GALNT13: variants seen among roughly 807,000 people sequenced by gnomAD.
GALNT13 encodes the protein polypeptide N-acetylgalactosaminyltransferase 13, also known as UDP-GalNAc:polypeptide N-acetylgalactosaminyltransferase 13.
A neutral mutation model predicts 64.2 loss-of-function variants in GALNT13; 28 were observed. That is an observed-to-expected ratio of 0.44 (90% CI 0.32 to 0.60). The LOEUF (loss-of-function observed/expected upper bound fraction) is 0.60, where lower values mean the gene tolerates loss of function less well. GALNT13 is among the 20% of genes least tolerant of loss of function. GALNT13 has a pLI of 0.05. For synonymous variants in GALNT13, 214 were observed against 224.6 expected (o/e 0.95, Z 0.42); for missense variants, 577 against 669.8 (o/e 0.86, Z 1.53).
At chr2:153,491,581 C>T in the GALNT13 span, among the ~76,000 whole-genome samples, 1 of 149,238 alleles carries the variant, frequency 6.7e-6, no homozygotes, top group Admixed American at 6.7e-5. Flanking sequence ...CAGAAACACA[C>T]CTAAACCATA....
chr2:153,462,372 A>C, the GALNT13 span, among the ~76,000 whole-genome samples: 368 of 152,248 alleles, frequency 2.4e-3, no homozygotes, highest in Admixed American at 4.4e-3. Flanking sequence ...TTTTTTAAAT[A>C]AAAAGAATAT....
At chr2:154,165,558 A>G (rs982076400) in intron 4 of GALNT13, among the ~76,000 whole-genome samples, 3 of 152,166 alleles carry the variant, frequency 2.0e-5, no homozygotes, top group Non-Finnish European at 4.4e-5. Flanking sequence ...GTTTATTAAC[A>G]TTTTATTATT....
At chr2:153,522,423 G>A in the GALNT13 span, among the ~76,000 whole-genome samples, 1 of 152,182 alleles carries the variant, frequency 6.6e-6, no homozygotes, top group South Asian at 2.1e-4. Context: ...CATATGCTAA[G>A]AGTAAGTTTA....
the GALNT13 span, among the ~76,000 whole-genome samples, chr2:153,769,605 T>C: frequency 6.6e-6 from 1 of 152,220 alleles, no homozygotes; most frequent in African/African-American, 2.4e-5. Context: ...CTGAGCTTCT[T>C]GTATCTGAAT....
At chr2:154,057,539 C>T (rs935640264) in intron 3 of GALNT13, among the ~76,000 whole-genome samples, 5 of 152,012 alleles carry the variant, frequency 3.3e-5, no homozygotes, top group Non-Finnish European at 7.4e-5. Flanking sequence ...ATTTCATAAT[C>T]GATTGTGGAA....
chr2:153,612,505 T>C, the GALNT13 span, among the ~76,000 whole-genome samples: 1 of 151,996 alleles, frequency 6.6e-6, no homozygotes, highest in Non-Finnish European at 1.5e-5. Flanking sequence ...GTCCTTTCAA[T>C]GTGAAAAAAA....
intron 9 of GALNT13, among the ~76,000 whole-genome samples, chr2:154,381,953 C>T (rs894904033): frequency 6.6e-6 from 1 of 152,052 alleles, no homozygotes; most frequent in Non-Finnish European, 1.5e-5. Flanking sequence ...AAGCTTAAAT[C>T]AACATTTGTA....
the GALNT13 span, among the ~76,000 whole-genome samples, chr2:153,796,744 G>T: frequency 1.3e-5 from 2 of 152,094 alleles, no homozygotes; most frequent in Non-Finnish European, 1.5e-5. Flanking sequence ...AGCATCTCAG[G>T]AAGGCAAAAG....
chr2:153,591,625 G>T, the GALNT13 span, among the ~76,000 whole-genome samples: 1,892 of 151,828 alleles, frequency 0.012, 36 homozygotes, highest in African/African-American at 0.043. Flanking sequence ...AAAATAAATT[G>T]TCATGGGGGA....
At chr2:153,890,959 T>A (rs527352149) in intron 1 of GALNT13, among the ~76,000 whole-genome samples, 1 of 152,192 alleles carries the variant, frequency 6.6e-6, no homozygotes, top group East Asian at 1.9e-4. Flanking sequence ...TTCCACTTAT[T>A]TATTGATGCT....
intron 8 of GALNT13, among the ~76,000 whole-genome samples, chr2:154,295,541 T>G (rs1374765920): frequency 6.6e-6 from 1 of 151,844 alleles, no homozygotes; most frequent in Non-Finnish European, 1.5e-5. Flanking sequence ...AATTTTTTAT[T>G]TTTTTATTTT....
chr2:153,253,353 T>C, the GALNT13 span, among the ~76,000 whole-genome samples: 10 of 130,394 alleles, frequency 7.7e-5, no homozygotes, highest in Non-Finnish European at 1.3e-4. Context: ...GCTTATCAGC[T>C]TAAGGAGATT....
intron 9 of GALNT13, among the ~76,000 whole-genome samples, chr2:154,311,267 A>G (rs1286190571): frequency 6.6e-6 from 1 of 152,122 alleles, no homozygotes; most frequent in Admixed American, 6.6e-5. Flanking sequence ...TCCTGCCCCG[A>G]TAATCACGTA....
At chr2:154,329,063 G>A (rs1324969175) in intron 9 of GALNT13, among the ~76,000 whole-genome samples, 1 of 151,964 alleles carries the variant, frequency 6.6e-6, no homozygotes, top group Non-Finnish European at 1.5e-5. Flanking sequence ...TTGGCTTATA[G>A]ATGTTGAAAG....
the GALNT13 span, among the ~76,000 whole-genome samples, chr2:153,112,117 G>A: frequency 6.6e-6 from 1 of 152,088 alleles, no homozygotes; most frequent in Non-Finnish European, 1.5e-5. Context: ...CCATATGGCG[G>A]GGGCAAGAGT....
chr2:153,242,448 C>T, the GALNT13 span, among the ~76,000 whole-genome samples: 1 of 152,154 alleles, frequency 6.6e-6, no homozygotes, highest in African/African-American at 2.4e-5. Flanking sequence ...TTTGAGACAC[C>T]ATATGCATCC....
At chr2:154,054,340 A>G (rs955014908) in intron 3 of GALNT13, among the ~76,000 whole-genome samples, 3 of 152,020 alleles carry the variant, frequency 2.0e-5, no homozygotes, top group Non-Finnish European at 4.4e-5. Flanking sequence ...AATTTCAAAT[A>G]ATTCATTTTT....
At chr2:154,098,554 T>G (rs1037813713) in intron 3 of GALNT13, among the ~76,000 whole-genome samples, 3 of 152,066 alleles carry the variant, frequency 2.0e-5, no homozygotes, top group African/African-American at 7.2e-5. Context: ...TCTACAATAG[T>G]GAGCATTGTA....
chr2:153,939,376 A>C (rs749497057), intron 2 of GALNT13, among the ~76,000 whole-genome samples: 1 of 152,236 alleles, frequency 6.6e-6, no homozygotes, highest in Non-Finnish European at 1.5e-5. Flanking sequence ...TCAGAAAGGC[A>C]TGAAGTAGAA....
Sources: gnomAD v4.1 joint callset for allele counts (sites outside exome capture counted in the v4.1 genomes callset) on GRCh38, gnomAD v4.1.1 for gene constraint, MANE v1.5 for transcripts, NCBI Gene and HGNC (gene_info 2026-07-23, HGNC 2026-07-21) for gene names.